The following PCDH9 variants were observed in gnomAD, a reference collection of about 807,000 sequenced individuals.
PCDH9 encodes the protein protocadherin 9.
A neutral mutation model predicts 70.6 loss-of-function variants in PCDH9; 24 were observed. The ratio of observed to expected loss-of-function variants is 0.34; its 90% CI spans 0.25 to 0.48. PCDH9 has a LOEUF of 0.48. PCDH9 is among the 20% of genes least tolerant of loss of function. The pLI, the probability that PCDH9 is intolerant of heterozygous loss-of-function variation, is 0.99. For synonymous variants in PCDH9, 562 were observed against 558.5 expected, an observed-to-expected ratio of 1.01 and a Z score of -0.09; for missense variants, 1,281 against 1,503.6, an observed-to-expected ratio of 0.85 and a Z score of 2.45.
At chr13:66,675,298 TA>T (rs1316129707) in intron 3 of PCDH9, among the ~76,000 whole-genome samples, 4 of 152,152 alleles carry the variant, frequency 2.6e-5, no homozygotes, top group Middle Eastern at 3.2e-3. Flanking sequence ...GATTTTTATT[TA>T]AAAGCATATT....
intron 2 of PCDH9, among the ~76,000 whole-genome samples, chr13:67,066,883 ATTATATGCATATGCAC>A (rs976690269): frequency 1.1e-4 from 16 of 152,278 alleles, no homozygotes; most frequent in African/African-American, 3.6e-4. Flanking sequence ...CCCTAATCAG[ATTATATGCATATGCAC>A]TTATAATTTT....
chr13:66,512,420 TC>T (rs1959524558), intron 4 of PCDH9, among the ~76,000 whole-genome samples: 1 of 151,972 alleles, frequency 6.6e-6, no homozygotes, highest in African/African-American at 2.4e-5. Context: ...TAGTTAATGT[TC>T]CCTTTGAGAA....
intron 3 of PCDH9, among the ~76,000 whole-genome samples, chr13:66,780,214 C>G (rs576604690): frequency 1.3e-5 from 2 of 151,942 alleles, no homozygotes; most frequent in African/African-American, 2.4e-5. Context: ...CGCTGTATAC[C>G]TTAACTGTAG....
At chr13:66,372,214 T>C (rs527952173) in intron 4 of PCDH9, among the ~76,000 whole-genome samples, 4 of 151,968 alleles carry the variant, frequency 2.6e-5, no homozygotes, top group African/African-American at 9.6e-5. Context: ...TTAAGATCTA[T>C]AAATAACTAA....
chr13:67,195,168 C>T (rs1396531141), intron 2 of PCDH9, among the ~76,000 whole-genome samples: 1 of 149,134 alleles, frequency 6.7e-6, no homozygotes, highest in African/African-American at 2.5e-5. Flanking sequence ...TTTTTTGAGA[C>T]AGAGTCTCGC....
intron 4 of PCDH9, among the ~76,000 whole-genome samples, chr13:66,462,842 A>G (rs1423893583): frequency 6.6e-6 from 1 of 151,686 alleles, no homozygotes; most frequent in Non-Finnish European, 1.5e-5. Context: ...AGTCACTCCT[A>G]TTTTCTACTA....
intron 2 of PCDH9, chr13:67,201,823 C>T: frequency 6.6e-6 from 1 of 151,886 alleles, no homozygotes; most frequent in East Asian, 1.9e-4. Context: ...GAATTCATTT[C>T]ACAAAGTACC....
At chr13:66,622,098 G>A (rs967923611) in intron 4 of PCDH9, among the ~76,000 whole-genome samples, 2 of 152,362 alleles carry the variant, frequency 1.3e-5, no homozygotes, top group South Asian at 2.1e-4. Flanking sequence ...CCGGGCCAGC[G>A]GCTGCAGAGT....
At chr13:66,532,204 A>G (rs2138635406) in intron 4 of PCDH9, among the ~76,000 whole-genome samples, 1 of 151,456 alleles carries the variant, frequency 6.6e-6, no homozygotes, top group East Asian at 1.9e-4. Flanking sequence ...GGGTCTCACT[A>G]TATTGCTCAA....
intron 3 of PCDH9, among the ~76,000 whole-genome samples, chr13:66,858,634 T>G (rs545163923): frequency 6.6e-6 from 1 of 152,330 alleles, no homozygotes; most frequent in Non-Finnish European, 1.5e-5. Flanking sequence ...TAACATATCT[T>G]TGAAGCCTTC....
intron 4 of PCDH9, among the ~76,000 whole-genome samples, chr13:66,476,029 C>T (rs543371003): frequency 6.6e-5 from 10 of 152,132 alleles, no homozygotes; most frequent in South Asian, 6.2e-4. Flanking sequence ...CTCTTTCAGC[C>T]TTCAGCCCTC....
chr13:66,397,909 G>A (rs1957130649), intron 4 of PCDH9, among the ~76,000 whole-genome samples: 1 of 151,760 alleles, frequency 6.6e-6, no homozygotes, highest in African/African-American at 2.4e-5. Context: ...TGTTGTCTTT[G>A]TGAAGTAATC....
intron 4 of PCDH9, among the ~76,000 whole-genome samples, chr13:66,429,166 A>G (rs537804096): frequency 1.5e-3 from 226 of 152,006 alleles, no homozygotes; most frequent in African/African-American, 5.0e-3. Flanking sequence ...GATACTGACT[A>G]TTGCAATTTA....
intron 4 of PCDH9, among the ~76,000 whole-genome samples, chr13:66,453,580 TG>T (rs1264542318): frequency 1.3e-5 from 2 of 152,152 alleles, no homozygotes; most frequent in South Asian, 2.1e-4. Flanking sequence ...TAAACACTCT[TG>T]AAGTTAATTA....
chr13:66,753,256 C>A (rs1364088474), intron 3 of PCDH9, among the ~76,000 whole-genome samples: 1 of 151,996 alleles, frequency 6.6e-6, no homozygotes, highest in Non-Finnish European at 1.5e-5. Context: ...CAACATAACA[C>A]AACGTTATAG....
chr13:66,870,207 A>G (rs2081650695), intron 3 of PCDH9, among the ~76,000 whole-genome samples: 1 of 152,002 alleles, frequency 6.6e-6, no homozygotes, highest in African/African-American at 2.4e-5. Context: ...TGTTTTTCTC[A>G]GGTTTGTCAA....
intron 2 of PCDH9, among the ~76,000 whole-genome samples, chr13:66,971,793 T>C (rs1188719152): frequency 6.6e-6 from 1 of 151,934 alleles, no homozygotes; most frequent in Non-Finnish European, 1.5e-5. Context: ...TGAAAGAACT[T>C]AGAAACCCAA....
At chr13:66,975,990 T>C (rs185630874) in intron 2 of PCDH9, among the ~76,000 whole-genome samples, 168 of 152,166 alleles carry the variant, frequency 1.1e-3, no homozygotes, top group Non-Finnish European at 1.8e-3. Context: ...TGAATTTTGC[T>C]ACGTTTTTAA....
At chr13:67,080,832 T>G (rs918413085) in intron 2 of PCDH9, among the ~76,000 whole-genome samples, 5 of 152,170 alleles carry the variant, frequency 3.3e-5, no homozygotes, top group African/African-American at 9.7e-5. Context: ...AACCTGTGAG[T>G]TAACCACTTT....
Sources: gnomAD v4.1 joint callset for allele counts (sites outside exome capture counted in the v4.1 genomes callset) on GRCh38, gnomAD v4.1.1 for gene constraint, MANE v1.5 for transcripts, NCBI Gene and HGNC (gene_info 2026-07-23, HGNC 2026-07-21) for gene names.